The following SLC12A3 variants were observed in gnomAD, a reference collection of about 807,000 sequenced individuals.
The protein encoded by SLC12A3 is solute carrier family 12 member 3, also known as Na-Cl cotransporter.
In SLC12A3, 104 loss-of-function variants were observed where a neutral mutation model predicts 121.0. The ratio of observed to expected loss-of-function variants is 0.86; its 90% confidence interval spans 0.73 to 1.01. The LOEUF (loss-of-function observed/expected upper bound fraction) is 1.01. Ranked by LOEUF, SLC12A3 falls within the 50% of genes least tolerant of loss-of-function variation. The pLI is 0.00. For synonymous variants in SLC12A3, 536 were observed against 533.4 expected (o/e 1.00, Z -0.07); for missense variants, 1,328 against 1,356.3 (o/e 0.98, Z 0.33).
chr16:56,910,356 G>A (rs1162580285), intron 25 of SLC12A3, among the ~76,000 whole-genome samples: 1 of 151,878 alleles, frequency 6.6e-6, no homozygotes, highest in African/African-American at 2.4e-5. Flanking sequence ...TTGTTTTGGT[G>A]GCGGGGTCTT....
intron 25 of SLC12A3, among the ~76,000 whole-genome samples, chr16:56,911,008 G>A (rs551201915): frequency 2.6e-4 from 39 of 152,322 alleles, no homozygotes; most frequent in African/African-American, 9.1e-4. Flanking sequence ...GGCTGTGTTG[G>A]GGGAGGGAAC....
rs3812964 is a variant in SLC12A3, at chr16:56,914,929, C to T, written c.*1524C>T. 85,847 of 149,742 alleles carry T rather than the reference C, an allele frequency of 0.57. 25,012 individuals are homozygous for T. Among genetic ancestry groups the T allele is most frequent in the African/African-American group, 0.66 (26,681 of 40,494 alleles). 9.3% of individuals were successfully genotyped at this position (149,742 alleles called of 1,614,324 possible). A position where few individuals can be genotyped will look rare whatever the true frequency, so the allele number is the denominator to read the frequency against. On this transcript the variant is annotated 3_prime_UTR_variant, in exon 26 of 26. Transcript: ENST00000563236. ...ACCTGCAAGAGATGGAAAGAGCAGG[C>T]GGCAGAGGGGGCTGGCAGGGAGGGG...
In SLC12A3 at chr16:56,884,231, G is replaced by A. The variant is rs527658059; in HGVS notation, c.1825+27G>A. 6.8e-6 allele frequency: 11 copies of A among 1,613,032 alleles called. No individual in the cohort carries two copies. The South Asian group carries it at 8.8e-5, about 13-fold the overall frequency. On this transcript the variant is annotated intron_variant, in intron 14 of 25. Coordinates refer to ENST00000563236, the MANE Select transcript of SLC12A3 (RefSeq NM_001126108.2). ...TGCGCATCTCAGCTGCGGGGCCTCG[G>A]CCCTCCTCCCCCAGGGTAGCCATGC...
intron 8 of SLC12A3, among the ~76,000 whole-genome samples, chr16:56,877,807 G>A (rs2055182571): frequency 6.6e-6 from 1 of 152,130 alleles, no homozygotes; most frequent in Non-Finnish European, 1.5e-5. Flanking sequence ...TCTTCTCTCT[G>A]CCTCCATTTC....
chr16:56,908,320 T>C (rs1390357824), intron 25 of SLC12A3, among the ~76,000 whole-genome samples: 1 of 151,900 alleles, frequency 6.6e-6, no homozygotes, highest in East Asian at 1.9e-4. Context: ...ATTTTTTGTA[T>C]TTTTAGTAGA....
chr16:56,876,741 T>C (rs1389248597), intron 8 of SLC12A3, among the ~76,000 whole-genome samples: 1 of 152,190 alleles, frequency 6.6e-6, no homozygotes, highest in Non-Finnish European at 1.5e-5. Context: ...ATCTGCTAAC[T>C]GGATGGTGAG....
At chr16:56,879,827 C>G (rs2055214379) in intron 11 of SLC12A3, among the ~76,000 whole-genome samples, 178 bp downstream of exon 11, 1 of 152,118 alleles carries the variant, frequency 6.6e-6, no homozygotes, top group African/African-American at 2.4e-5. Context: ...CCCCCTCCGA[C>G]TTGACAAACA....
At chr16:56,909,030 A>G (rs1177552958) in intron 25 of SLC12A3, among the ~76,000 whole-genome samples, 9 of 152,238 alleles carry the variant, frequency 5.9e-5, no homozygotes. Context: ...CTCTAGCCTC[A>G]GTTTCCCTAA....
chr16:56,875,014 C>T (rs1198077352), intron 8 of SLC12A3, among the ~76,000 whole-genome samples: 1 of 152,070 alleles, frequency 6.6e-6, no homozygotes, highest in African/African-American at 2.4e-5. Context: ...GGCCTGTGCT[C>T]AGACAGCCTG....
Position 56,915,293 on chromosome 16 carries a change from T to C in SLC12A3, c.*1888T>C, listed in dbSNP as rs2055737635. On this transcript the variant is annotated 3_prime_UTR_variant, in exon 26 of 26. Transcript: ENST00000563236. ...CAAGACTGCTGCAGTGCCTACACTTTAGACTTCAGAAGGAGACTAAAGACT... is the reference window on the plus strand; with the variant it reads ...CAAGACTGCTGCAGTGCCTACACTTCAGACTTCAGAAGGAGACTAAAGACT... 1 of 152,356 alleles carries C rather than the reference T, an allele frequency of 6.6e-6. No individual in the cohort carries two copies. Among genetic ancestry groups the C allele is most frequent in the East Asian group, 1.9e-4 (1 of 5,188 alleles). 9.4% of individuals were successfully genotyped at this position (152,356 alleles called of 1,614,324 possible).
intron 23 of SLC12A3, among the ~76,000 whole-genome samples, chr16:56,901,372 C>T (rs939211801): frequency 7.1e-5 from 7 of 98,344 alleles, no homozygotes; most frequent in Admixed American, 3.0e-4. Flanking sequence ...GACAGTCTCA[C>T]TCCATCACCC....
At chr16:56,877,927 A>AG in intron 8 of SLC12A3, 150 bp from the exon 9 acceptor site, 1 of 608,202 alleles carries the variant, frequency 1.6e-6, no homozygotes, top group Non-Finnish European at 2.9e-6. Context: ...AGGGGCTCTG[A>AG]GGGGCCAAGG....
intron 25 of SLC12A3, among the ~76,000 whole-genome samples, chr16:56,907,717 G>A (rs912340149): frequency 5.3e-5 from 8 of 152,008 alleles, no homozygotes; most frequent in Admixed American, 2.0e-4. Context: ...AGCTCTCTGG[G>A]GCCTCTTTAT....
chr16:56,868,250 C>G, intron 2 of SLC12A3, 47 bp from the exon 3 acceptor site: 1 of 1,587,944 alleles, frequency 6.3e-7, no homozygotes, highest in Non-Finnish European at 8.6e-7. Flanking sequence ...TGTCGTTTGG[C>G]CTTGGGGTGT....
intron 8 of SLC12A3, among the ~76,000 whole-genome samples, chr16:56,877,329 G>A (rs539840002): frequency 2.6e-4 from 39 of 152,108 alleles, no homozygotes; most frequent in South Asian, 1.5e-3. Flanking sequence ...CCAGAAGGTG[G>A]AGGTTGCAGT....
intron 25 of SLC12A3, among the ~76,000 whole-genome samples, chr16:56,911,278 C>T (rs1030411816): frequency 1.3e-5 from 2 of 152,096 alleles, no homozygotes; most frequent in Non-Finnish European, 2.9e-5. Context: ...TGGCCTTGGT[C>T]CAACCCACCT....
At chr16:56,874,829 A>G (rs1288754752) in intron 8 of SLC12A3, among the ~76,000 whole-genome samples, 3 of 152,196 alleles carry the variant, frequency 2.0e-5, no homozygotes, top group Admixed American at 6.5e-5. Context: ...CGCAAAAAAA[A>G]GGAATGCACA....
At chr16:56,910,781 G>A (rs1280185676) in intron 25 of SLC12A3, among the ~76,000 whole-genome samples, 1 of 152,250 alleles carries the variant, frequency 6.6e-6, no homozygotes, top group Admixed American at 6.5e-5. Context: ...TTCTGATGCA[G>A]GGCTGTCTTT....
In SLC12A3 at chr16:56,890,089, G is replaced by A. The variant is rs532899833; in HGVS notation, c.2286-185G>A. ...CACAGTGCCACAGACTGTAGAGCTG[G>A]AGGAGTCCTGGGGTACTCTCCAATT... On this transcript the variant is annotated intron_variant, in intron 18 of 25. Transcript: ENST00000563236. Among the ~76,000 whole-genome samples, 6 of 152,308 alleles carry A rather than the reference G, an allele frequency of 3.9e-5. No homozygotes were observed. In the South Asian group the frequency reaches 1.2e-3, roughly 32 times the overall value.
Sources: allele counts gnomAD v4.1 joint callset (sites outside exome capture counted in the v4.1 genomes callset), GRCh38; gene constraint gnomAD v4.1.1; transcripts MANE v1.5; gene names NCBI Gene and HGNC (gene_info 2026-07-23, HGNC 2026-07-21).